The following YAF2 variants were observed in gnomAD, a reference collection of about 807,000 sequenced individuals.
YAF2 encodes the protein YY1-associated factor 2.
In YAF2, 7 loss-of-function variants were observed where a neutral mutation model predicts 20.1. The ratio of observed to expected loss-of-function variants is 0.35; its 90% CI spans 0.20 to 0.65. The LOEUF is 0.65. Among genes scored for constraint, YAF2 ranks in the 30% least tolerant of loss-of-function variants. The probability of loss-of-function intolerance (pLI) is 0.69; values close to 1 mark genes in which losing one functional copy is unlikely to be tolerated. For synonymous variants in YAF2, 74 were observed against 76.0 expected (o/e 0.97, Z 0.14); for missense variants, 151 against 219.2 (o/e 0.69, Z 1.96).
intron 3 of YAF2, 103 bp downstream of exon 3, chr12:42,161,510 C>T: frequency 6.2e-6 from 8 of 1,300,540 alleles, no homozygotes; most frequent in Non-Finnish European, 8.1e-6. Flanking sequence ...ATAAAGGAGA[C>T]CAAATATTTT....
At chr12:42,188,896 T>C (rs970510825) in intron 2 of YAF2, among the ~76,000 whole-genome samples, 6 of 152,064 alleles carry the variant, frequency 3.9e-5, no homozygotes, top group Admixed American at 3.9e-4. Context: ...GAGTCTCAAT[T>C]TGGTAGGGAA....
At chr12:42,180,134 G>A (rs990544124) in intron 2 of YAF2, among the ~76,000 whole-genome samples, 7 of 152,120 alleles carry the variant, frequency 4.6e-5, no homozygotes, top group Non-Finnish European at 1.0e-4. Flanking sequence ...CCTGCCTCCT[G>A]GTATTCATGC....
intron 2 of YAF2, chr12:42,210,737 T>C: frequency 6.9e-7 from 1 of 1,451,892 alleles, no homozygotes; most frequent in Non-Finnish European, 9.2e-7. Context: ...CACGTAGAAC[T>C]ACAGAAGAAA....
chr12:42,182,008 T>C (rs1387548303), intron 2 of YAF2, among the ~76,000 whole-genome samples: 1 of 152,124 alleles, frequency 6.6e-6, no homozygotes, highest in Non-Finnish European at 1.5e-5. Flanking sequence ...GCATGAAACA[T>C]CAAAGTTTTT....
chr12:42,232,620 G>A lies in YAF2; in HGVS notation c.152+4979C>T, dbSNP rs543236734. 3 of 985,364 alleles carry A rather than the reference G, an allele frequency of 3.0e-6. No homozygotes were observed. In the African/African-American group the frequency reaches 5.2e-5, roughly 17 times the overall value. 61.0% of individuals were successfully genotyped at this position (985,364 alleles called of 1,614,324 possible). On this transcript the variant is annotated intron_variant, in intron 2 of 3. Transcript: ENST00000534854. The stretch of plus-strand genomic sequence containing the variant: ...CAGGAACCATGCATTTCTTTAAAAA[G>A]GACTTATGTAGATGGTCCTCAATTT...
rs701250 is a variant in YAF2 at position 42,188,336 on chromosome 12, C to G, written c.153-26571G>C. 9.8e-3 allele frequency among the ~76,000 whole-genome samples: 1,441 copies of G among 147,060 alleles called. 33 individuals are homozygous for G. Among genetic ancestry groups the G allele is most frequent in the African/African-American group, 0.034 (1,346 of 39,870 alleles). ...GTTTCTAAGATCATTTAATTATCTT[C>G]TTTGTCCTTAGCTATATGCTCTGAA... On this transcript the variant is annotated intron_variant, in intron 2 of 3. Coordinates refer to ENST00000534854, the MANE Select transcript of YAF2 (RefSeq NM_005748.6).
At chr12:42,194,824 T>C (rs1592219654) in intron 2 of YAF2, among the ~76,000 whole-genome samples, 1 of 152,212 alleles carries the variant, frequency 6.6e-6, no homozygotes, top group African/African-American at 2.4e-5. Flanking sequence ...CATGCAAACA[T>C]ACATAAGTTC....
chr12:42,230,477 AT>A (rs533333280), intron 2 of YAF2, among the ~76,000 whole-genome samples: 43 of 150,674 alleles, frequency 2.9e-4, no homozygotes, highest in African/African-American at 5.4e-4. Flanking sequence ...ATAGGACTCA[AT>A]TTTTTTTTTA....
At chr12:42,169,086 C>T (rs1373211866) in intron 2 of YAF2, among the ~76,000 whole-genome samples, 2 of 152,156 alleles carry the variant, frequency 1.3e-5, no homozygotes, top group Non-Finnish European at 2.9e-5. Flanking sequence ...CTGCTATTCT[C>T]TCAGTTGTGT....
chr12:42,221,390 G>GCAA (rs2067507321), intron 2 of YAF2, among the ~76,000 whole-genome samples: 2 of 152,114 alleles, frequency 1.3e-5, no homozygotes, highest in Admixed American at 1.3e-4. Flanking sequence ...GGACAACATA[G>GCAA]CAAGACCTCA....
At position 42,190,495 on chromosome 12, in the gene YAF2, T is replaced by C. The variant is rs189081988; in HGVS notation, c.153-28730A>G. The stretch of plus-strand genomic sequence containing the variant: ...GGACAAGTTCTGTTTTACTTAACTA[T>C]TTTTTCTGTTTTCTAATCCATTATT... On this transcript the variant is annotated intron_variant, in intron 2 of 3. Transcript: ENST00000534854. 1.8e-4 allele frequency among the ~76,000 whole-genome samples: 27 copies of C among 152,344 alleles called. No homozygotes were observed. In the East Asian group the frequency reaches 5.0e-3, roughly 28 times the overall value.
chr12:42,188,371 A>ATAT (rs1053351189), intron 2 of YAF2, among the ~76,000 whole-genome samples: 3 of 147,604 alleles, frequency 2.0e-5, no homozygotes, highest in African/African-American at 7.6e-5. Context: ...ACTTTGAAAT[A>ATAT]TATATATTTT....
intron 2 of YAF2, among the ~76,000 whole-genome samples, chr12:42,191,374 C>CTTT (rs201603450): frequency 0.01 from 1,582 of 151,486 alleles, 28 homozygotes; most frequent in African/African-American, 0.037. Flanking sequence ...AATCCACTGA[C>CTTT]TTTTTTTTTG....
intron 2 of YAF2, among the ~76,000 whole-genome samples, chr12:42,172,841 C>T (rs779958993): frequency 6.6e-6 from 1 of 152,152 alleles, no homozygotes; most frequent in African/African-American, 2.4e-5. Flanking sequence ...ACAGATACTA[C>T]AACATGGATG....
chr12:42,160,670 G>A lies in YAF2; in HGVS notation c.462C>T (p.Ser154=). Reference sequence around the variant, plus strand: ...ACATTCCTCTCTCTGTGTTATCAGAGCTAGAGCCGCTTTGACTGTGTTGAT... The same window carrying A: ...ACATTCCTCTCTCTGTGTTATCAGAACTAGAGCCGCTTTGACTGTGTTGAT... ...SADQHSQSGS[S]SDNTERGMSR... Residue 154 remains serine (S), a synonymous_variant, in exon 4 of 4, where the codon AGC becomes AGT. Transcript: ENST00000534854. The A allele has an allele frequency of 6.2e-7, 1 of 1,613,826 alleles. No individual in the cohort carries two copies. Among genetic ancestry groups the A allele is most frequent in the Non-Finnish European group, 8.5e-7 (1 of 1,179,892 alleles).
chr12:42,219,192 A>G (rs2067445332), intron 2 of YAF2, among the ~76,000 whole-genome samples: 1 of 152,214 alleles, frequency 6.6e-6, no homozygotes, highest in Admixed American at 6.5e-5. Context: ...GCTCCCACTG[A>G]GCCAATTCCA....
At chr12:42,220,408 TACATAAA>T (rs1006151091) in intron 2 of YAF2, among the ~76,000 whole-genome samples, 2 of 152,198 alleles carry the variant, frequency 1.3e-5, no homozygotes, top group Non-Finnish European at 2.9e-5. Context: ...TATTCAGACT[TACATAAA>T]ACATAAAAGA....
At position 42,183,041 on chromosome 12, in the gene YAF2, G is replaced by A. The variant is rs555254829; in HGVS notation, c.153-21276C>T. 4.6e-5 allele frequency among the ~76,000 whole-genome samples: 7 copies of A among 152,126 alleles called. No homozygotes were observed. In the East Asian group the frequency reaches 5.8e-4, roughly 13 times the overall value. ...TTTTGGTAATTCATAAAATGTTTTC[G>A]TTATTATTATATCTGTTATGGTGAT... is the stretch of plus-strand genomic sequence containing the variant. On this transcript the variant is annotated intron_variant, in intron 2 of 3. Transcript: ENST00000534854.
chr12:42,217,520 T>C (rs2067390355), intron 2 of YAF2, among the ~76,000 whole-genome samples: 1 of 152,176 alleles, frequency 6.6e-6, no homozygotes, highest in Non-Finnish European at 1.5e-5. Flanking sequence ...ATAAAGGGGC[T>C]TTTGCAGTTC....
Sources: gnomAD v4.1 joint callset for allele counts (sites outside exome capture counted in the v4.1 genomes callset) on GRCh38, gnomAD v4.1.1 for gene constraint, MANE v1.5 for transcripts, NCBI Gene and HGNC (gene_info 2026-07-23, HGNC 2026-07-21) for gene names.